Variants in NAXD observed in about 807,000 individuals in gnomAD.
NAXD encodes NAD(P)HX dehydratase.
A neutral mutation model predicts 35.8 loss-of-function variants in NAXD; 22 were observed. The ratio of observed to expected loss-of-function variants is 0.62; its 90% CI spans 0.44 to 0.88. The LOEUF (loss-of-function observed/expected upper bound fraction) is 0.88, where lower values mean the gene tolerates loss of function less well. Among genes scored for constraint, NAXD ranks in the 40% least tolerant of loss-of-function variants. The pLI is 0.00. For synonymous variants in NAXD, 189 were observed against 177.6 expected (o/e 1.06, Z -0.51); for missense variants, 428 against 437.7 (o/e 0.98, Z 0.20).
At chr13:110,636,810 C>G (rs754950845) in intron 8 of NAXD, among the ~76,000 whole-genome samples, 2 of 152,226 alleles carry the variant, frequency 1.3e-5, no homozygotes, top group Non-Finnish European at 2.9e-5. Context: ...CTGGCGCCGC[C>G]CTGCTCAGAG....
intron 5 of NAXD, among the ~76,000 whole-genome samples, chr13:110,630,270 C>T (rs1032804208): frequency 2.1e-4 from 32 of 152,230 alleles, no homozygotes; most frequent in Non-Finnish European, 4.1e-4. Flanking sequence ...CTTAGGTATC[C>T]GCCCGCCTCA....
rs1886525560 is a variant in NAXD, at chr13:110,627,403, G to C, written c.333-36G>C. On this transcript the variant is annotated intron_variant, in intron 4 of 9. Coordinates refer to ENST00000680254, the MANE Select transcript of NAXD (RefSeq NM_001242882.2). ...CATGACAGTAAGTAAATGAGGAATT[G>C]TGGGTAACCATCCTGGCCTTCCTTT... The C allele has an allele frequency of 2.9e-6, 4 of 1,383,522 alleles. No homozygotes were observed. The African/African-American group carries it at 5.7e-5, about 20-fold the overall frequency. The allele number at this position is 1,383,522 out of a possible 1,614,324, so 85.7% of individuals were successfully genotyped here. A position where few individuals can be genotyped will look rare whatever the true frequency, so the allele number is the denominator to read the frequency against.
Position 110,638,933 on chromosome 13 carries a change from A to C in NAXD, c.*405A>C. 2.8e-6 allele frequency: 1 copy of C among 360,564 alleles called. No homozygotes were observed. Among genetic ancestry groups the C allele is most frequent in the Non-Finnish European group, 5.4e-6 (1 of 184,364 alleles). The allele number at this position is 360,564 out of a possible 1,614,324, so 22.3% of individuals were successfully genotyped here. On this transcript the variant is annotated 3_prime_UTR_variant, in exon 10 of 10. Coordinates refer to ENST00000680254, the MANE Select transcript of NAXD (RefSeq NM_001242882.2). The surrounding 1 kb of genome is among the most constrained non-coding windows in gnomAD (Gnocchi z 5.4). Reference sequence around the variant, plus strand: ...CGTTCCTCCTCTGCTTCCCTTCCCTAGTCTTTCCTCCGGCAGGGAGCTGGG... The same window carrying C: ...CGTTCCTCCTCTGCTTCCCTTCCCTCGTCTTTCCTCCGGCAGGGAGCTGGG...
intron 1 of NAXD, among the ~76,000 whole-genome samples, chr13:110,620,408 C>T (rs902368918): frequency 6.6e-6 from 1 of 151,714 alleles, no homozygotes; most frequent in Non-Finnish European, 1.5e-5. Context: ...GGTGAAACCC[C>T]GTCTCTGCTA....
chr13:110,629,851 G>C (rs566449583), intron 5 of NAXD, among the ~76,000 whole-genome samples: 1 of 152,100 alleles, frequency 6.6e-6, no homozygotes, highest in African/African-American at 2.4e-5. Flanking sequence ...AGCAGTGTGC[G>C]AGGGCTCTGA....
At chr13:110,637,070 A>C in intron 8 of NAXD, 59 bp from the exon 9 acceptor site, 1 of 1,544,560 alleles carries the variant, frequency 6.5e-7, no homozygotes. Flanking sequence ...ACCCGTGGCT[A>C]CTGTCACATT....
At chr13:110,618,333 G>A (rs1321813968) in intron 1 of NAXD, among the ~76,000 whole-genome samples, 1 of 152,114 alleles carries the variant, frequency 6.6e-6, no homozygotes, top group Non-Finnish European at 1.5e-5. Flanking sequence ...CAGGGAACTG[G>A]GAATCTCACA....
Position 110,634,740 on chromosome 13 carries a change from C to T in NAXD, c.561C>T (p.Pro187=). 6.2e-7 allele frequency: 1 copy of T among 1,614,064 alleles called. No individual in the cohort carries two copies. The highest frequency in any genetic ancestry group is 8.5e-7 in the Non-Finnish European group (1 of 1,179,964). The change falls in exon 7 of 10, where the codon CCC becomes CCT. Residue 187 remains proline, a synonymous_variant. Coordinates refer to ENST00000680254, the MANE Select transcript of NAXD (RefSeq NM_001242882.2). ...GCTACCGGAAGGCTGTGCTCACTCC[C>T]AACCACGTGGAGTTCAGCAGACTGT... The part of the protein sequence containing the change: ...IHGYRKAVLT[P]NHVEFSRLYD...
rs1363960221 is a variant in NAXD, at chr13:110,637,179, GA to G, written c.770del (p.Asp257AlafsTer59). On this transcript the variant is annotated frameshift_variant, in exon 9 of 10. Transcript: ENST00000680254. LOFTEE classifies it high-confidence loss of function. Reference protein sequence around the residue: ...GSSRRCGGQGDLLSGSLGVLV... With the variant: ...GSSRRCGGQGXLLSGSLGVLV... ...CAGCCGCAGGTGTGGAGGGCAAGGG[GA>G]CCTCCTGTCGGGCTCCCTGGGCGTC... The G allele has an allele frequency of 6.2e-7, 1 of 1,613,944 alleles. No homozygotes were observed. Among genetic ancestry groups the G allele is most frequent in the Non-Finnish European group, 8.5e-7 (1 of 1,180,004 alleles).
intron 5 of NAXD, among the ~76,000 whole-genome samples, chr13:110,630,986 C>T (rs1204221649): frequency 2.6e-5 from 4 of 152,176 alleles, no homozygotes; most frequent in Non-Finnish European, 5.9e-5. Flanking sequence ...CTCCTGGGTC[C>T]CATGCATTCC....
chr13:110,632,379 A>G (rs1477930045), intron 5 of NAXD, among the ~76,000 whole-genome samples: 1 of 152,194 alleles, frequency 6.6e-6, no homozygotes, highest in African/African-American at 2.4e-5. Flanking sequence ...GAGCGAAAGA[A>G]CAAAGTTTCC....
At chr13:110,634,262 AATT>A (rs1230129976) in intron 5 of NAXD, among the ~76,000 whole-genome samples, 5 of 152,170 alleles carry the variant, frequency 3.3e-5, no homozygotes, top group African/African-American at 9.7e-5. Flanking sequence ...CAGACTGGGT[AATT>A]GATAATGAAC....
At chr13:110,636,984 C>G in intron 8 of NAXD, 145 bp from the exon 9 acceptor site, 1 of 888,910 alleles carries the variant, frequency 1.1e-6, no homozygotes, top group Non-Finnish European at 1.6e-6. Flanking sequence ...AGGGAAGAGC[C>G]GTAGCAGGCA....
chr13:110,634,534 T>C lies in NAXD; in HGVS notation c.442-11T>C. On this transcript the variant is annotated splice_polypyrimidine_tract_variant and intron_variant, in intron 5 of 9. Transcript: ENST00000680254. ...AGGCATGGTGCTCAGTCTGGTTTTC[T>C]CTTCTGGCAGGGCATTTTGGAAGTG... 5 of 1,614,160 alleles carry C rather than the reference T, an allele frequency of 3.1e-6. No individual in the cohort carries two copies. The highest frequency in any genetic ancestry group is 4.2e-6 in the Non-Finnish European group (5 of 1,179,982).
At position 110,628,761 on chromosome 13, in the gene NAXD, G is replaced by C. The variant is rs1469074796; in HGVS notation, c.441+1214G>C. ...CATCCCCGGGGAGAGGCTCTCAATG[G>C]GGAGTCCCATCTGCAGGCTGCGGGT... On this transcript the variant is annotated intron_variant, in intron 5 of 9. Transcript: ENST00000680254. This position sits in a 1 kb window ranked among gnomAD's most constrained non-coding sequence, Gnocchi z 4.1. Among the ~76,000 whole-genome samples the C allele has an allele frequency of 6.6e-6, 1 of 152,018 alleles. No homozygotes were observed. The highest frequency in any genetic ancestry group is 2.4e-5 in the African/African-American group (1 of 41,388).
At position 110,624,615 on chromosome 13, in the gene NAXD, C is replaced by T. The variant is rs942069771; in HGVS notation, c.243+336C>T. Among the ~76,000 whole-genome samples, 7 of 152,168 alleles carry T rather than the reference C, an allele frequency of 4.6e-5. No individual in the cohort carries two copies. In the South Asian group the frequency reaches 1.0e-3, roughly 22 times the overall value. Reference sequence around the variant, plus strand: ...CTGGGATTACAGGCACCTGCCACCACGCCTGGCTAATTTTGTTTGTATTTT... The same window carrying T: ...CTGGGATTACAGGCACCTGCCACCATGCCTGGCTAATTTTGTTTGTATTTT... On this transcript the variant is annotated intron_variant, in intron 3 of 9. Coordinates refer to ENST00000680254, the MANE Select transcript of NAXD (RefSeq NM_001242882.2).
chr13:110,629,303 C>T (rs1482783023), intron 5 of NAXD, among the ~76,000 whole-genome samples: 1 of 152,188 alleles, frequency 6.6e-6, no homozygotes, highest in African/African-American at 2.4e-5. Context: ...TTTTTAAAAA[C>T]GACTTTATTT....
intron 8 of NAXD, among the ~76,000 whole-genome samples, chr13:110,636,397 T>G (rs1220586848): frequency 6.6e-6 from 1 of 152,210 alleles, no homozygotes; most frequent in South Asian, 2.1e-4. Context: ...TGCACAGTTG[T>G]GCTCACAGCC....
intron 5 of NAXD, among the ~76,000 whole-genome samples, chr13:110,634,233 C>T (rs376640795): frequency 5.3e-5 from 8 of 152,260 alleles, no homozygotes; most frequent in South Asian, 2.1e-4. Flanking sequence ...GTCGGTTTTG[C>T]GCTGCTGTAG....
Sources: allele counts gnomAD v4.1 joint callset (sites outside exome capture counted in the v4.1 genomes callset), GRCh38; gene constraint gnomAD v4.1.1; non-coding constraint Gnocchi (gnomAD v3.1); transcripts MANE v1.5; gene names NCBI Gene and HGNC (gene_info 2026-07-23, HGNC 2026-07-21).